Variants in ATF6 observed in about 807,000 individuals in gnomAD.
ATF6 encodes activating transcription factor 6.
ATF6 carries 53 observed loss-of-function variants against 83.6 expected under a neutral mutation model. The observed-to-expected ratio is 0.63, with a 90% CI of 0.51 to 0.80. The LOEUF is 0.80. Among genes scored for constraint, ATF6 ranks in the 30% least tolerant of loss-of-function variants. ATF6 has a pLI of 0.00. For missense variants in ATF6, 744 were observed against 797.9 expected (o/e 0.93, Z 0.81); for synonymous variants, 288 against 285.8 (o/e 1.01, Z -0.08).
chr1:161,933,814 T>C (rs1157028189), intron 15 of ATF6, among the ~76,000 whole-genome samples: 1 of 152,180 alleles, frequency 6.6e-6, no homozygotes, highest in African/African-American at 2.4e-5. Flanking sequence ...TCCAGCACAG[T>C]TTTTCTTGCT....
chr1:161,910,279 C>T (rs1355307735), intron 14 of ATF6, among the ~76,000 whole-genome samples: 1 of 152,120 alleles, frequency 6.6e-6, no homozygotes, highest in Non-Finnish European at 1.5e-5. Flanking sequence ...TGGTTCCCTG[C>T]AGTCTGATTT....
chr1:161,858,814 A>G (rs769285264), intron 12 of ATF6, among the ~76,000 whole-genome samples: 6 of 152,182 alleles, frequency 3.9e-5, no homozygotes, highest in African/African-American at 4.8e-5. Context: ...TAAATCTTGG[A>G]TAGGTAAACG....
In ATF6 at chr1:161,821,081, T is replaced by G. The variant is rs765354804; in HGVS notation, c.1107T>G (p.Leu369=). ...GTCATTTCCTTTAGAACCAGAGGCT[T>G]AAAGTCCCTAGTCCAAAGCGAAGAG... ...LDEVVSENQR[L]KVPSPKRRVV... The change falls in exon 9 of 16, where the codon CTT becomes CTG. Residue 369 remains leucine (L), a synonymous_variant. Coordinates refer to ENST00000367942, the MANE Select transcript of ATF6 (RefSeq NM_007348.4). The G allele has an allele frequency of 6.2e-7, 1 of 1,610,358 alleles. No individual in the cohort carries two copies. The highest frequency in any genetic ancestry group is 1.1e-5 in the South Asian group (1 of 90,302).
intron 9 of ATF6, among the ~76,000 whole-genome samples, chr1:161,843,571 CTCTT>C (rs1369697293): frequency 2.0e-5 from 3 of 152,150 alleles, no homozygotes; most frequent in African/African-American, 7.2e-5. Context: ...ACTGTTTAAA[CTCTT>C]TGAGCTTCAA....
rs1408020291 is a variant in ATF6 at position 161,819,836 on chromosome 1, G to A, written c.1095+18G>A. On this transcript the variant is annotated intron_variant, in intron 8 of 15. Transcript: ENST00000367942. ...TGTCAGAGGTAAGTGTTAGTAATAC[G>A]GCTGAGTCGAGATGGGCTAAAGTAT... is the stretch of plus-strand genomic sequence containing the variant. 8.2e-6 allele frequency: 13 copies of A among 1,585,872 alleles called. No homozygotes were observed. The highest frequency in any genetic ancestry group is 2.3e-5 in the South Asian group (2 of 86,634).
chr1:161,769,841 C>T (rs367700163), intron 1 of ATF6, among the ~76,000 whole-genome samples: 4 of 151,990 alleles, frequency 2.6e-5, no homozygotes, highest in African/African-American at 9.7e-5. Context: ...TCTGACAGGT[C>T]GTGGAGCTCA....
Position 161,802,272 on chromosome 1 carries a change from T to C in ATF6, c.909T>C (p.Asp303=). The change falls in exon 7 of 16, where the codon GAT becomes GAC. Residue 303 remains aspartate (D), a splice_region_variant and synonymous_variant. Coordinates refer to ENST00000367942, the MANE Select transcript of ATF6 (RefSeq NM_007348.4). ...LQSTMRNVGS[D]IAVLRRQQRM... The stretch of plus-strand genomic sequence containing the variant: ...GTACCATGAGAAATGTCGGTTCAGA[T>C]GTAAGTTTTGAAACTTAGTGCTTCT... 1.2e-6 allele frequency: 2 copies of C among 1,613,324 alleles called. No individual in the cohort carries two copies. The highest frequency in any genetic ancestry group is 1.7e-6 in the Non-Finnish European group (2 of 1,179,424).
chr1:161,835,496 T>A (rs942996242), intron 9 of ATF6, among the ~76,000 whole-genome samples: 4 of 152,234 alleles, frequency 2.6e-5, no homozygotes, highest in African/African-American at 9.6e-5. Context: ...TTGAAAACTG[T>A]TGTGTGTAGT....
chr1:161,904,187 T>C (rs1383423311), intron 14 of ATF6, among the ~76,000 whole-genome samples: 1 of 152,210 alleles, frequency 6.6e-6, no homozygotes, highest in Non-Finnish European at 1.5e-5. Flanking sequence ...ACTTTTAAGC[T>C]GTTACCACCT....
rs771212825 is a variant in ATF6 at position 161,958,533 on chromosome 1, C to T, written c.1892C>T (p.Ser631Leu). ...ACCAGGATCCTCCATATCAAAAGTT[C>T]GTCAGTTCCTCCTTACCTCCGAGAT... ...MDTRILHIKS[S>L]SVPPYLRDQQ... is the part of the protein sequence containing the mutation. Residue 631 changes from serine (S) to leucine (L), a missense_variant, in exon 16 of 16, where the codon TCG becomes TTG. Transcript: ENST00000367942. 16 of 1,613,828 alleles carry T rather than the reference C, an allele frequency of 9.9e-6. No homozygotes were observed. Among genetic ancestry groups the T allele is most frequent in the Non-Finnish European group, 1.3e-5 (15 of 1,179,848 alleles).
intron 4 of ATF6, among the ~76,000 whole-genome samples, chr1:161,785,425 T>C (rs2101732629): frequency 6.6e-6 from 1 of 152,340 alleles, no homozygotes; most frequent in East Asian, 1.9e-4. Context: ...AAAGGTAGCA[T>C]ACTGTATACC....
chr1:161,886,736 A>T (rs1023012562), intron 14 of ATF6, among the ~76,000 whole-genome samples: 1 of 152,232 alleles, frequency 6.6e-6, no homozygotes, highest in Non-Finnish European at 1.5e-5. Context: ...TAGTTTTACA[A>T]CTACAAAGTG....
At chr1:161,880,328 A>ATG (rs138587790) in intron 14 of ATF6, among the ~76,000 whole-genome samples, 2,871 of 148,016 alleles carry the variant, frequency 0.019, 50 homozygotes, top group African/African-American at 0.047. Context: ...TGTGATATGT[A>ATG]TGTGTGTGTG....
At chr1:161,818,608 A>T (rs1685674154) in intron 7 of ATF6, among the ~76,000 whole-genome samples, 1 of 152,222 alleles carries the variant, frequency 6.6e-6, no homozygotes, top group African/African-American at 2.4e-5. Context: ...AGAATAATTG[A>T]GTTCAAATGG....
chr1:161,821,144 G>T lies in ATF6; in HGVS notation c.1170G>T (p.Leu390=). The T allele has an allele frequency of 6.2e-7, 1 of 1,609,374 alleles. No homozygotes were observed. The highest frequency in any genetic ancestry group is 1.1e-5 in the South Asian group (1 of 90,532). ...TGATAGTATTGGCATTTATAATACT[G>T]AACTATGGACCTATGAGGTAAGTGA... ...CVMIVLAFII[L]NYGPMSMLEQ... Residue 390 remains leucine (L), a synonymous_variant, in exon 9 of 16, where the codon CTG becomes CTT. Transcript: ENST00000367942.
chr1:161,958,599 C>T lies in ATF6; in HGVS notation c.1958C>T (p.Pro653Leu), dbSNP rs1689016884. 1 of 1,613,892 alleles carries T rather than the reference C, an allele frequency of 6.2e-7. No individual in the cohort carries two copies. The highest frequency in any genetic ancestry group is 8.5e-7 in the Non-Finnish European group (1 of 1,179,992). Residue 653 changes from proline to leucine, a missense_variant, in exon 16 of 16, where the codon CCC becomes CTC. By Grantham distance (98) the Pro-to-Leu change is moderately conservative. Coordinates refer to ENST00000367942, the MANE Select transcript of ATF6 (RefSeq NM_007348.4). ...ACCAACACCTTCTTTGGCTCCCCTC[C>T]CGCAGCCACAGAGGCAACCCACGTT... is the stretch of plus-strand genomic sequence containing the variant. ...NQTNTFFGSP[P>L]AATEATHVVS... is the part of the protein sequence containing the mutation.
chr1:161,896,547 G>A (rs553839717), intron 14 of ATF6, among the ~76,000 whole-genome samples: 2 of 152,254 alleles, frequency 1.3e-5, no homozygotes, highest in East Asian at 1.9e-4. Flanking sequence ...TGAATTTAAC[G>A]AATTCTCTTT....
intron 7 of ATF6, among the ~76,000 whole-genome samples, chr1:161,815,655 ATAAT>A (rs1216687457): frequency 4.0e-5 from 6 of 150,962 alleles, no homozygotes; most frequent in African/African-American, 1.4e-4. Flanking sequence ...TTATTGATTG[ATAAT>A]TAAATTGATA....
At chr1:161,896,978 A>G (rs1687688069) in intron 14 of ATF6, among the ~76,000 whole-genome samples, 2 of 152,238 alleles carry the variant, frequency 1.3e-5, no homozygotes, top group African/African-American at 4.8e-5. Flanking sequence ...ATCAGTAAAT[A>G]AAATTACATT....
Sources: gnomAD v4.1 joint callset for allele counts (sites outside exome capture counted in the v4.1 genomes callset) on GRCh38, gnomAD v4.1.1 for gene constraint, MANE v1.5 for transcripts, NCBI Gene and HGNC (gene_info 2026-07-23, HGNC 2026-07-21) for gene names.